Variants in SLC12A2 observed in about 807,000 individuals in gnomAD.
SLC12A2 encodes the protein solute carrier family 12 member 2.
SLC12A2 carries 67 observed loss-of-function variants against 136.3 expected under a neutral mutation model. That is an observed-to-expected ratio of 0.49 (90% CI 0.40 to 0.60). SLC12A2 has a LOEUF of 0.60. Ranked by LOEUF, SLC12A2 falls within the 20% of genes least tolerant of loss-of-function variation. The pLI is 0.00. For missense variants in SLC12A2, 1,322 were observed against 1,534.7 expected (o/e 0.86, Z 2.32); for synonymous variants, 619 against 562.9 (o/e 1.10, Z -1.41).
Position 128,184,945 on chromosome 5 carries a change from A to G in SLC12A2, c.3503+89A>G, listed in dbSNP as rs1581146148. On this transcript the variant is annotated intron_variant, in intron 26 of 26. Transcript: ENST00000262461. Reference sequence around the variant, plus strand: ...TATTCCAAGTACATATCTATATAACACCCATATTGACTTAGTGGTTATAAG... The same window carrying G: ...TATTCCAAGTACATATCTATATAACGCCCATATTGACTTAGTGGTTATAAG... 6.3e-6 allele frequency: 7 copies of G among 1,110,734 alleles called. No homozygotes were observed. The East Asian group carries it at 1.4e-4, about 23-fold the overall frequency. The allele number at this position is 1,110,734 out of a possible 1,614,324, so 68.8% of individuals were successfully genotyped here.
intron 1 of SLC12A2, among the ~76,000 whole-genome samples, chr5:128,102,613 T>C (rs1760785139): frequency 6.1e-5 from 7 of 115,016 alleles, no homozygotes; most frequent in South Asian, 3.5e-4. Flanking sequence ...TTTTTTTTTT[T>C]TTTTTTTTTT....
intron 1 of SLC12A2, among the ~76,000 whole-genome samples, chr5:128,100,438 T>C (rs929627322): frequency 1.2e-4 from 18 of 152,086 alleles, no homozygotes; most frequent in African/African-American, 4.3e-4. Flanking sequence ...ATTGGAGCAT[T>C]TTGGATTAGG....
chr5:128,152,055 G>C (rs1439929905), intron 14 of SLC12A2, among the ~76,000 whole-genome samples: 4 of 152,116 alleles, frequency 2.6e-5, no homozygotes, highest in Admixed American at 6.6e-5. Context: ...GATGAGAAAG[G>C]CTTCATCTGG....
In SLC12A2 at chr5:128,151,228, T is replaced by G. The variant is rs772591703; in HGVS notation, c.2108-13T>G. The G allele has an allele frequency of 1.1e-5, 18 of 1,595,344 alleles. No individual in the cohort carries two copies. Among genetic ancestry groups the G allele is most frequent in the Non-Finnish European group, 1.4e-5 (16 of 1,171,746 alleles). ...AGGTATTTGTGTGACTTTTATTTATTTGTTATTGTTAGGATGGCGTCCTGC... is the reference window on the plus strand; with the variant it reads ...AGGTATTTGTGTGACTTTTATTTATGTGTTATTGTTAGGATGGCGTCCTGC... On this transcript the variant is annotated splice_polypyrimidine_tract_variant and intron_variant, in intron 13 of 26. Transcript: ENST00000262461.
At position 128,138,807 on chromosome 5, in the gene SLC12A2, A is replaced by G. The variant is rs1316862360; in HGVS notation, c.1537-17A>G. On this transcript the variant is annotated splice_polypyrimidine_tract_variant and intron_variant, in intron 8 of 26. Coordinates refer to ENST00000262461, the MANE Select transcript of SLC12A2 (RefSeq NM_001046.3). Reference sequence around the variant, plus strand: ...TATTTTTACAGATAGACTTTAAAAAATCTTCTTGTCTTCTAGGATCCTCAG... The same window carrying G: ...TATTTTTACAGATAGACTTTAAAAAGTCTTCTTGTCTTCTAGGATCCTCAG... 6.2e-7 allele frequency: 1 copy of G among 1,606,868 alleles called. No individual in the cohort carries two copies. Among genetic ancestry groups the G allele is most frequent in the Non-Finnish European group, 8.5e-7 (1 of 1,176,202 alleles).
chr5:128,166,805 AT>A (rs908127150), intron 17 of SLC12A2, among the ~76,000 whole-genome samples: 18 of 151,948 alleles, frequency 1.2e-4, no homozygotes, highest in African/African-American at 3.4e-4. Flanking sequence ...TAAAATGACA[AT>A]TTTTTTTATT....
At chr5:128,104,629 C>T (rs931985575) in intron 1 of SLC12A2, among the ~76,000 whole-genome samples, 1 of 144,506 alleles carries the variant, frequency 6.9e-6, no homozygotes, top group Non-Finnish European at 1.5e-5. Flanking sequence ...AAGACTCCAT[C>T]TCAAAAAAAA....
chr5:128,178,507 C>T, intron 21 of SLC12A2, 60 bp from the exon 22 acceptor site: 1 of 1,279,028 alleles, frequency 7.8e-7, no homozygotes, highest in Non-Finnish European at 1.1e-6. Context: ...GATAGGAATT[C>T]AGCAAAAGGG....
intron 13 of SLC12A2, among the ~76,000 whole-genome samples, chr5:128,150,914 A>G (rs903600357): frequency 7.9e-5 from 12 of 151,964 alleles, no homozygotes; most frequent in Admixed American, 1.3e-4. Flanking sequence ...TCAATTTGAA[A>G]CCTTTCTCTT....
intron 4 of SLC12A2, among the ~76,000 whole-genome samples, chr5:128,130,690 A>G (rs1413975385): frequency 6.6e-6 from 1 of 152,100 alleles, no homozygotes; most frequent in Non-Finnish European, 1.5e-5. Context: ...AAAACAAAAA[A>G]AAAAGCATAA....
chr5:128,150,968 T>A (rs1054978858), intron 13 of SLC12A2, among the ~76,000 whole-genome samples: 5 of 146,232 alleles, frequency 3.4e-5, no homozygotes, highest in Admixed American at 6.8e-5. Flanking sequence ...GGTAGGTTGA[T>A]TTTTTTTTTA....
At chr5:128,155,591 C>T (rs1307232677) in intron 15 of SLC12A2, among the ~76,000 whole-genome samples, 1 of 152,128 alleles carries the variant, frequency 6.6e-6, no homozygotes, top group Non-Finnish European at 1.5e-5. Flanking sequence ...ACTGTCTTAA[C>T]CTTCACCAAA....
intron 12 of SLC12A2, 67 bp downstream of exon 12, chr5:128,148,944 T>A: frequency 7.8e-7 from 1 of 1,289,544 alleles, no homozygotes; most frequent in Non-Finnish European, 1.1e-6. Context: ...GTTGAATTAT[T>A]AAATTATTAA....
chr5:128,135,411 C>A (rs1762153320), intron 6 of SLC12A2, among the ~76,000 whole-genome samples: 1 of 151,988 alleles, frequency 6.6e-6, no homozygotes, highest in Non-Finnish European at 1.5e-5. Flanking sequence ...ATTTACAGTG[C>A]TTTATGGTTT....
At chr5:128,153,794 A>AT (rs1261447795) in intron 15 of SLC12A2, among the ~76,000 whole-genome samples, 1 of 152,146 alleles carries the variant, frequency 6.6e-6, no homozygotes, top group African/African-American at 2.4e-5. Flanking sequence ...GTAATTGTTT[A>AT]TTTTTTTGTT....
At chr5:128,115,121 T>A (rs1023493454) in intron 4 of SLC12A2, among the ~76,000 whole-genome samples, 2 of 152,214 alleles carry the variant, frequency 1.3e-5, no homozygotes, top group African/African-American at 2.4e-5. Flanking sequence ...CCTGGGACTG[T>A]AAATTAATTA....
rs1194815549 is a variant in SLC12A2 at position 128,134,057 on chromosome 5, ACTT to A, written c.1189-103_1189-101del. The A allele has an allele frequency of 9.9e-6, 6 of 604,932 alleles. No individual in the cohort carries two copies. The East Asian group carries it at 1.6e-4, about 16-fold the overall frequency. The allele number at this position is 604,932 out of a possible 1,614,324, so 37.5% of individuals were successfully genotyped here. The stretch of plus-strand genomic sequence containing the variant: ...TATTCCTTAAGCAACCATTTATTCA[ACTT>A]CTTCATGTAAGGCACCGTAATATCT... On this transcript the variant is annotated intron_variant, in intron 5 of 26. Coordinates refer to ENST00000262461, the MANE Select transcript of SLC12A2 (RefSeq NM_001046.3).
At chr5:128,137,647 A>G (rs1762228194) in intron 7 of SLC12A2, among the ~76,000 whole-genome samples, 1 of 152,252 alleles carries the variant, frequency 6.6e-6, no homozygotes, top group Non-Finnish European at 1.5e-5. Flanking sequence ...GCTCTAGTAC[A>G]GGACCTGACA....
At position 128,141,815 on chromosome 5, in the gene SLC12A2, T is replaced by A; in HGVS notation, c.1622-15T>A. 1.9e-6 allele frequency: 3 copies of A among 1,605,594 alleles called. No homozygotes were observed. Among genetic ancestry groups the A allele is most frequent in the Non-Finnish European group, 2.6e-6 (3 of 1,175,896 alleles). On this transcript the variant is annotated splice_polypyrimidine_tract_variant and intron_variant, in intron 9 of 26. Transcript: ENST00000262461. ...GATATTAACTATATTATTCTTGTTG[T>A]CACTTGTGCTTTAGGTTCTTGTGTT...
Sources: allele counts gnomAD v4.1 joint callset (sites outside exome capture counted in the v4.1 genomes callset), GRCh38; gene constraint gnomAD v4.1.1; transcripts MANE v1.5; gene names NCBI Gene and HGNC (gene_info 2026-07-23, HGNC 2026-07-21).